The following PSME4 variants were observed in gnomAD, a reference collection of about 807,000 sequenced individuals.
PSME4 encodes proteasome activator complex subunit 4.
Under a neutral mutation model 253.9 loss-of-function variants are expected in PSME4, and 89 were observed. The observed-to-expected ratio is 0.35, with a 90% CI of 0.30 to 0.42. The LOEUF is 0.42. Among genes scored for constraint, PSME4 ranks in the 10% least tolerant of loss-of-function variants. The pLI is 1.00. For missense variants in PSME4, 2,014 were observed against 2,195.2 expected (o/e 0.92, Z 1.65); for synonymous variants, 851 against 759.2 (o/e 1.12, Z -1.99).
chr2:53,950,440 ATTAGGTTATACCAAAAATAATTTAAT>A (rs1218400986), intron 1 of PSME4, among the ~76,000 whole-genome samples: 1 of 152,268 alleles, frequency 6.6e-6, no homozygotes. Context: ...TTACAATACA[ATTAGGTTATACCAAAAATAATTTAAT>A]ATTTTATCCA....
chr2:53,922,911 T>C (rs761120201), intron 16 of PSME4, 138 bp downstream of exon 16: 291 of 726,172 alleles, frequency 4.0e-4, no homozygotes, highest in Non-Finnish European at 3.4e-4. Context: ...GATATCTTTT[T>C]TGGAGACAAA....
intron 42 of PSME4, among the ~76,000 whole-genome samples, chr2:53,874,820 C>G (rs805390): frequency 1.3e-5 from 2 of 151,946 alleles, no homozygotes; most frequent in Non-Finnish European, 2.9e-5. Context: ...TGGCAGGCAC[C>G]TGTAATCCCA....
intron 20 of PSME4, among the ~76,000 whole-genome samples, chr2:53,918,133 C>T (rs558633810): frequency 2.9e-4 from 44 of 152,070 alleles, no homozygotes; most frequent in African/African-American, 1.0e-3. Flanking sequence ...GGCTTTTTAA[C>T]GTTTTTGTTG....
rs532268351 is a variant in PSME4, at chr2:53,875,273, G to A, written c.4944+354C>T. 3.3e-5 allele frequency among the ~76,000 whole-genome samples: 5 copies of A among 152,258 alleles called. No homozygotes were observed. In the South Asian group the frequency reaches 8.3e-4, roughly 25 times the overall value. The stretch of plus-strand genomic sequence containing the variant: ...AGGCAGAAAATGTACAGTCAGTATA[G>A]GTCTCTCTAGAAAAGACCAGGTAAC... On this transcript the variant is annotated intron_variant, in intron 42 of 46. Coordinates refer to ENST00000404125, the MANE Select transcript of PSME4 (RefSeq NM_014614.3).
intron 24 of PSME4, 21 bp from the exon 25 acceptor site, chr2:53,906,889 A>G (rs779911866): frequency 3.1e-6 from 5 of 1,607,768 alleles, no homozygotes; most frequent in Non-Finnish European, 3.4e-6. Flanking sequence ...AAGTAGCAAC[A>G]AATACTTCAA....
At chr2:53,877,089 G>A (rs1679169330) in intron 41 of PSME4, among the ~76,000 whole-genome samples, 1 of 151,834 alleles carries the variant, frequency 6.6e-6, no homozygotes. Flanking sequence ...AATGTATGCT[G>A]TCTGATGCCT....
chr2:53,875,851 A>G (rs1679091578), intron 41 of PSME4, 96 bp from the exon 42 acceptor site: 2 of 1,192,858 alleles, frequency 1.7e-6, no homozygotes, highest in East Asian at 5.3e-5. Flanking sequence ...TAATTTAACA[A>G]TTTTTATGGA....
chr2:53,927,809 T>C (rs933486785), intron 11 of PSME4, among the ~76,000 whole-genome samples: 1 of 152,002 alleles, frequency 6.6e-6, no homozygotes, highest in Non-Finnish European at 1.5e-5. Flanking sequence ...CAGCCAGGCA[T>C]GGTGGCGTGT....
chr2:53,939,422 A>T (rs1250238342), intron 4 of PSME4, among the ~76,000 whole-genome samples: 1 of 152,192 alleles, frequency 6.6e-6, no homozygotes. Context: ...CTCATCTTTG[A>T]TCATATGAAT....
chr2:53,901,146 C>T (rs991875743), intron 28 of PSME4, among the ~76,000 whole-genome samples: 11 of 152,080 alleles, frequency 7.2e-5, no homozygotes, highest in African/African-American at 2.7e-4. Flanking sequence ...CCCTACCATG[C>T]TCCAACTTGC....
At chr2:53,967,462 T>C (rs1670790822) in intron 1 of PSME4, among the ~76,000 whole-genome samples, 1 of 150,898 alleles carries the variant, frequency 6.6e-6, no homozygotes, top group African/African-American at 2.4e-5. Flanking sequence ...GCCAAAATGG[T>C]GAAACCCCGT....
At chr2:53,916,614 C>T (rs1668075280) in intron 20 of PSME4, among the ~76,000 whole-genome samples, 1 of 152,106 alleles carries the variant, frequency 6.6e-6, no homozygotes, top group Non-Finnish European at 1.5e-5. Flanking sequence ...ATTGGAATTA[C>T]TGTATTAGTT....
At chr2:53,965,670 G>GT (rs200690643) in intron 1 of PSME4, among the ~76,000 whole-genome samples, 66,652 of 139,192 alleles carry the variant, frequency 0.48, 15,855 homozygotes, top group East Asian at 0.7. Context: ...GTGTTTTTTT[G>GT]TTTTTTTTTT....
intron 14 of PSME4, 111 bp downstream of exon 14, chr2:53,925,428 T>C: frequency 9.9e-7 from 1 of 1,009,434 alleles, no homozygotes; most frequent in South Asian, 3.6e-5. Context: ...AACTTTAGTA[T>C]GAATGTAAAT....
At position 53,936,822 on chromosome 2, in the gene PSME4, CAA is replaced by C; in HGVS notation, c.699_700del (p.Trp234ValfsTer2). Reference sequence around the variant, plus strand: ...CCAAAGGCCAATTAATTCATCAAACCAAAGTCTAAAGAAGAAAAATGTTGTTA... The same window carrying C: ...CCAAAGGCCAATTAATTCATCAAACCAGTCTAAAGAAGAAAAATGTTGTTA... On this transcript the variant is annotated frameshift_variant, in exon 6 of 47. Transcript: ENST00000404125. LOFTEE classifies it high-confidence loss of function. 1 of 1,591,896 alleles carries C rather than the reference CAA, an allele frequency of 6.3e-7. No individual in the cohort carries two copies. Among genetic ancestry groups the C allele is most frequent in the South Asian group, 1.1e-5 (1 of 87,786 alleles).
Position 53,920,332 on chromosome 2 carries a change from C to A in PSME4, c.2281G>T (p.Asp761Tyr). 1.2e-6 allele frequency: 2 copies of A among 1,612,230 alleles called. No individual in the cohort carries two copies. Among genetic ancestry groups the A allele is most frequent in the South Asian group, 1.1e-5 (1 of 90,712 alleles). Residue 761 changes from aspartate to tyrosine, a missense_variant, in exon 19 of 47, where the codon GAC becomes TAC. Asp to Tyr is a radical substitution (Grantham distance 160). This residue lies in a region of PSME4 where 989 missense variants were observed against 1,021.1 expected (regional missense o/e 0.97). Transcript: ENST00000404125. The part of the protein sequence containing the change: ...FPIKDWGKPG[D>Y]LWNLGIQWHV... ...CACTGGATTCCCAGATTCCACAAGT[C>A]CCCGGGTTTGCCCCAGTCCTAGAAG...
rs776456247 is a variant in PSME4, at chr2:53,936,074, A to T, written c.834+13T>A. 8.1e-6 allele frequency: 13 copies of T among 1,608,308 alleles called. No homozygotes were observed. The South Asian group carries it at 1.4e-4, about 18-fold the overall frequency. ...CCATGCCTGATAATTTTTTTCCCCA[A>T]AATGTTAATTACCTTTGGTACATAT... On this transcript the variant is annotated intron_variant, in intron 7 of 46. Transcript: ENST00000404125.
intron 34 of PSME4, 47 bp from the exon 35 acceptor site, chr2:53,893,846 A>C (rs1414031329): frequency 3.9e-6 from 6 of 1,528,166 alleles, no homozygotes; most frequent in Non-Finnish European, 5.2e-6. Flanking sequence ...AAATCCACTT[A>C]AATACATGAT....
chr2:53,941,303 A>G (rs1669442932), intron 3 of PSME4, among the ~76,000 whole-genome samples: 1 of 149,212 alleles, frequency 6.7e-6, no homozygotes, highest in Non-Finnish European at 1.5e-5. Context: ...TTCTAAAATA[A>G]AAAAGAAACT....
Sources: allele counts gnomAD v4.1 joint callset (sites outside exome capture counted in the v4.1 genomes callset), GRCh38; gene constraint gnomAD v4.1.1; regional missense constraint gnomAD v4.1.1; transcripts MANE v1.5; gene names NCBI Gene and HGNC (gene_info 2026-07-23, HGNC 2026-07-21).